Variants in YTHDC1 observed in about 807,000 individuals in gnomAD.
YTHDC1 encodes the protein YTH N6-methyladenosine RNA binding protein C1.
Under a neutral mutation model 107.0 loss-of-function variants are expected in YTHDC1, and 12 were observed. The observed-to-expected ratio is 0.11, with a 90% confidence interval of 0.07 to 0.18. YTHDC1 has a LOEUF of 0.18. Among genes scored for constraint, YTHDC1 ranks in the 10% least tolerant of loss-of-function variants. The probability of loss-of-function intolerance (pLI) is 1.00; values close to 1 mark genes in which losing one functional copy is unlikely to be tolerated. For missense variants in YTHDC1, 635 were observed against 898.8 expected, an observed-to-expected ratio of 0.71 and a Z score of 3.75; for synonymous variants, 280 against 289.5, an observed-to-expected ratio of 0.97 and a Z score of 0.33.
rs574822705 is a variant in YTHDC1 at position 68,349,470 on chromosome 4, C to T, written c.28+256G>A. Among the ~76,000 whole-genome samples, 4 of 152,282 alleles carry T rather than the reference C, an allele frequency of 2.6e-5. No individual in the cohort carries two copies. The East Asian group carries it at 7.7e-4, about 29-fold the overall frequency. ...CCCCTCTCAGCCCAAGACAGCTAAA[C>T]GGAAAGTCAAGCGTGAAATCCGCAT... On this transcript the variant is annotated intron_variant, in intron 1 of 16. Transcript: ENST00000344157.
In YTHDC1 at chr4:68,337,791, A is replaced by T. The variant is rs1724371471; in HGVS notation, c.240T>A (p.Asn80Lys). The change falls in exon 3 of 17, where the codon AAT becomes AAA. Residue 80 changes from asparagine to lysine, a missense_variant. Physicochemically the swap from Asn to Lys is moderately conservative, Grantham distance 94 (BLOSUM62 0). Around this residue, in one of 5 missense-constraint regions of YTHDC1, gnomAD observed 294 missense variants for 312.3 expected, o/e 0.94. Transcript: ENST00000344157. ...CTTTTGTACTAACTATTCTTTTGTT[A>T]TTGCTAACAGATGAGCTCAGTGGCT... ...VSKPLSSSVS[N>K]NKRIVSTKGK... The T allele has an allele frequency of 5.6e-6, 9 of 1,614,080 alleles. No individual in the cohort carries two copies. The highest frequency in any genetic ancestry group is 7.6e-6 in the Non-Finnish European group (9 of 1,180,014).
chr4:68,329,982 T>C lies in YTHDC1; in HGVS notation c.1349+20A>G, dbSNP rs1355805036. 3 of 1,559,362 alleles carry C rather than the reference T, an allele frequency of 1.9e-6. No individual in the cohort carries two copies. Among genetic ancestry groups the C allele is most frequent in the Non-Finnish European group, 2.7e-6 (3 of 1,130,574 alleles). On this transcript the variant is annotated intron_variant, in intron 9 of 16. Transcript: ENST00000344157. ...GTGTATTCAAAATTTCAGTTATCTA[T>C]ACTGAAGTGTATAATTTACCTGCAA... is the stretch of plus-strand genomic sequence containing the variant.
chr4:68,336,654 T>C (rs117090294), intron 4 of YTHDC1, among the ~76,000 whole-genome samples: 1 of 152,302 alleles, frequency 6.6e-6, no homozygotes, highest in East Asian at 1.9e-4. Flanking sequence ...ACCAAGGAAA[T>C]ACTGTAATAC....
intron 1 of YTHDC1, among the ~76,000 whole-genome samples, chr4:68,347,721 T>C (rs1725606863): frequency 6.6e-6 from 1 of 152,214 alleles, no homozygotes; most frequent in South Asian, 2.1e-4. Flanking sequence ...TATAATTTCC[T>C]GTTTCATGTA....
In YTHDC1 at chr4:68,311,243, A is replaced by G. The variant is rs922003768; in HGVS notation, c.*2856T>C. On this transcript the variant is annotated 3_prime_UTR_variant, in exon 17 of 17. Coordinates refer to ENST00000344157, the MANE Select transcript of YTHDC1 (RefSeq NM_001031732.4). ...GTCTCTCTCCTGCCACTGAAACTAC[A>G]TGGACAATGGAAGCTTGGAGATAAT... 1 of 152,118 alleles carries G rather than the reference A, an allele frequency of 6.6e-6. No individual in the cohort carries two copies. The highest frequency in any genetic ancestry group is 2.4e-5 in the African/African-American group (1 of 41,420). 9.4% of individuals were successfully genotyped at this position (152,118 alleles called of 1,614,324 possible).
In YTHDC1 at chr4:68,313,378, A is replaced by G. The variant is rs942724383; in HGVS notation, c.*721T>C. ...AACAGTAGCAATGTAGAATATGGGA[A>G]TCGTCTTCCGCTGCCACGCACGCAA... On this transcript the variant is annotated 3_prime_UTR_variant, in exon 17 of 17. Coordinates refer to ENST00000344157, the MANE Select transcript of YTHDC1 (RefSeq NM_001031732.4). 2 of 152,656 alleles carry G rather than the reference A, an allele frequency of 1.3e-5. No homozygotes were observed. Among genetic ancestry groups the G allele is most frequent in the Non-Finnish European group, 2.9e-5 (2 of 68,048 alleles). The allele number at this position is 152,656 out of a possible 1,614,324, so 9.5% of individuals were successfully genotyped here. A position where few individuals can be genotyped will look rare whatever the true frequency, so the allele number is the denominator to read the frequency against.
At position 68,333,327 on chromosome 4, in the gene YTHDC1, A is replaced by G. The variant is rs1320308243; in HGVS notation, c.954T>C (p.Ser318=). Residue 318 remains serine (S), a synonymous_variant, in exon 5 of 17, where the codon TCT becomes TCC. Coordinates refer to ENST00000344157, the MANE Select transcript of YTHDC1 (RefSeq NM_001031732.4). ...SPIVFDRSGS[S]ASESYAGSEK... ...GAATACCTGCATATGACTCTGATGC[A>G]GAGCTTCCACTTCTATCAAAAACAA... 5 of 1,611,964 alleles carry G rather than the reference A, an allele frequency of 3.1e-6. No homozygotes were observed. The Admixed American group carries it at 8.3e-5, about 27-fold the overall frequency.
At chr4:68,321,929 C>A (rs1336983417) in intron 11 of YTHDC1, among the ~76,000 whole-genome samples, 1 of 152,078 alleles carries the variant, frequency 6.6e-6, no homozygotes, top group Non-Finnish European at 1.5e-5. Context: ...CAAGTTAAAC[C>A]CCCTTTTTCT....
chr4:68,317,911 A>G (rs968318693), intron 15 of YTHDC1, among the ~76,000 whole-genome samples: 4 of 152,212 alleles, frequency 2.6e-5, no homozygotes, highest in Admixed American at 1.3e-4. Flanking sequence ...TAAGAGTTGT[A>G]TTAAGAAATT....
At chr4:68,348,009 A>T (rs1239043982) in intron 1 of YTHDC1, among the ~76,000 whole-genome samples, 3 of 152,362 alleles carry the variant, frequency 2.0e-5, no homozygotes, top group East Asian at 3.9e-4. Context: ...AAAACTAAGC[A>T]AATGTGAGGC....
Position 68,337,676 on chromosome 4 carries a change from T to G in YTHDC1, c.355A>C (p.Ser119Arg). 1 of 1,614,200 alleles carries G rather than the reference T, an allele frequency of 6.2e-7. No individual in the cohort carries two copies. Among genetic ancestry groups the G allele is most frequent in the Non-Finnish European group, 8.5e-7 (1 of 1,180,036 alleles). Reference protein sequence around the residue: ...LDADRKIRLSSSASREPYKNQ... With the variant: ...LDADRKIRLSRSASREPYKNQ... ...TTATAAGGTTCTCTGGAGGCACTAC[T>G]TGATAGACGAATTTTCCGATCAGCA... The change falls in exon 3 of 17, where the codon AGT becomes CGT. Residue 119 changes from serine to arginine, a missense_variant. This residue lies in a region of YTHDC1 where 294 missense variants were observed against 312.3 expected (regional missense o/e 0.94). Transcript: ENST00000344157.
intron 9 of YTHDC1, among the ~76,000 whole-genome samples, chr4:68,325,946 T>A (rs891183654): frequency 6.6e-6 from 1 of 152,058 alleles, no homozygotes; most frequent in East Asian, 1.9e-4. Flanking sequence ...TTCCCCCTTT[T>A]CAGGCTCTCA....
chr4:68,344,242 C>T lies in YTHDC1; in HGVS notation c.28+5484G>A, dbSNP rs118094546. 7.3e-5 allele frequency among the ~76,000 whole-genome samples: 11 copies of T among 150,280 alleles called. No homozygotes were observed. In the East Asian group the frequency reaches 7.9e-4, roughly 11 times the overall value. ...AAAAAAACAAACTCATGATACCTAA[C>T]GTATTAAGCAAGTACTTTATCTTTA... is the stretch of plus-strand genomic sequence containing the variant. On this transcript the variant is annotated intron_variant, in intron 1 of 16. Coordinates refer to ENST00000344157, the MANE Select transcript of YTHDC1 (RefSeq NM_001031732.4).
chr4:68,319,017 C>T (rs1219764523), intron 12 of YTHDC1, among the ~76,000 whole-genome samples, 155 bp from the exon 13 acceptor site: 1 of 152,102 alleles, frequency 6.6e-6, no homozygotes, highest in African/African-American at 2.4e-5. Context: ...AAATTTTCTT[C>T]TCAGATTACA....
Position 68,310,402 on chromosome 4 carries a change from A to C in YTHDC1, c.*3697T>G, listed in dbSNP as rs1721215442. 1 of 152,238 alleles carries C rather than the reference A, an allele frequency of 6.6e-6. No individual in the cohort carries two copies. The highest frequency in any genetic ancestry group is 2.4e-5 in the African/African-American group (1 of 41,466). The allele number at this position is 152,238 out of a possible 1,614,324, so 9.4% of individuals were successfully genotyped here. ...TAAGACATAGTAGTATTTAAGATACATTTAATGTATTTATTAGTATTTAAG... is the reference window on the plus strand; with the variant it reads ...TAAGACATAGTAGTATTTAAGATACCTTTAATGTATTTATTAGTATTTAAG... On this transcript the variant is annotated 3_prime_UTR_variant, in exon 17 of 17. Coordinates refer to ENST00000344157, the MANE Select transcript of YTHDC1 (RefSeq NM_001031732.4).
intron 1 of YTHDC1, among the ~76,000 whole-genome samples, chr4:68,341,954 A>G (rs1004351304): frequency 3.3e-5 from 5 of 152,170 alleles, no homozygotes; most frequent in East Asian, 1.9e-4. Context: ...CTCCTTCCTT[A>G]TAACTATTGG....
intron 13 of YTHDC1, 21 bp downstream of exon 13, chr4:68,318,805 G>GC: frequency 6.2e-7 from 1 of 1,614,072 alleles, no homozygotes; most frequent in Non-Finnish European, 8.5e-7. Context: ...TCAAAACTAG[G>GC]CAAGAGTGAA....
chr4:68,321,615 A>T (rs1722455379), intron 11 of YTHDC1, among the ~76,000 whole-genome samples: 1 of 152,160 alleles, frequency 6.6e-6, no homozygotes, highest in Non-Finnish European at 1.5e-5. Context: ...AAAACTTCAA[A>T]AGACATCTTG....
intron 10 of YTHDC1, among the ~76,000 whole-genome samples, chr4:68,323,552 C>A (rs975887516): frequency 6.6e-6 from 1 of 152,068 alleles, no homozygotes; most frequent in Admixed American, 6.6e-5. Context: ...AATGGTGAAA[C>A]CCTGTCTCGA....
Sources: gnomAD v4.1 joint callset for allele counts (sites outside exome capture counted in the v4.1 genomes callset) on GRCh38, gnomAD v4.1.1 for gene constraint, gnomAD v4.1.1 regional missense constraint, MANE v1.5 for transcripts, NCBI Gene and HGNC (gene_info 2026-07-23, HGNC 2026-07-21) for gene names.